MYRFL: variants seen among roughly 807,000 people sequenced by gnomAD.
MYRFL encodes myelin regulatory factor-like protein.
Under a neutral mutation model 109.4 loss-of-function variants are expected in MYRFL, and 88 were observed. The observed-to-expected ratio is 0.80, with a 90% CI of 0.68 to 0.96. The LOEUF (loss-of-function observed/expected upper bound fraction) is 0.96, where lower values mean the gene tolerates loss of function less well. Among genes scored for constraint, MYRFL ranks in the 40% least tolerant of loss-of-function variants. MYRFL has a pLI of 0.00. For missense variants in MYRFL, 957 were observed against 954.9 expected (o/e 1.00, Z -0.03); for synonymous variants, 324 against 320.9 (o/e 1.01, Z -0.10).
At chr12:69,857,654 A>G (rs1234501435) in intron 2 of MYRFL, among the ~76,000 whole-genome samples, 1 of 151,450 alleles carries the variant, frequency 6.6e-6, no homozygotes, top group African/African-American at 2.4e-5. Flanking sequence ...TTTTTTTTCA[A>G]TTTTTAGTTC....
intron 1 of MYRFL, among the ~76,000 whole-genome samples, chr12:69,837,891 G>A (rs1883042088): frequency 1.3e-5 from 2 of 152,206 alleles, no homozygotes; most frequent in Admixed American, 6.5e-5. Context: ...ACACCTGGAA[G>A]GAGGGAACTA....
intron 2 of MYRFL, among the ~76,000 whole-genome samples, chr12:69,864,925 C>T (rs1047334578): frequency 1.1e-4 from 16 of 152,166 alleles, no homozygotes; most frequent in African/African-American, 3.4e-4. Flanking sequence ...TCTCCTAAAG[C>T]GAATGTTCCG....
At chr12:69,844,567 T>A (rs1425594188) in intron 1 of MYRFL, among the ~76,000 whole-genome samples, 1 of 152,152 alleles carries the variant, frequency 6.6e-6, no homozygotes, top group African/African-American at 2.4e-5. Flanking sequence ...TTGGCTGGCA[T>A]TGCTGGGGAG....
At chr12:69,854,346 GGAGGGA>G (rs138931391) in intron 1 of MYRFL, among the ~76,000 whole-genome samples, 53,192 of 141,524 alleles carry the variant, frequency 0.38, 10,022 homozygotes, top group Admixed American at 0.44. Flanking sequence ...AGGGGGAGGG[GGAGGGA>G]GAGGGAGAGG....
chr12:69,942,837 G>T (rs557934107), intron 19 of MYRFL, among the ~76,000 whole-genome samples: 3 of 151,954 alleles, frequency 2.0e-5, no homozygotes, highest in East Asian at 1.9e-4. Flanking sequence ...CTTCAGCAAA[G>T]TCTCAGGCTA....
intron 19 of MYRFL, among the ~76,000 whole-genome samples, chr12:69,948,513 A>T (rs968299313): frequency 6.6e-6 from 1 of 152,200 alleles, no homozygotes; most frequent in Non-Finnish European, 1.5e-5. Flanking sequence ...AGGTAGGAGA[A>T]GAAAACACAC....
intron 2 of MYRFL, among the ~76,000 whole-genome samples, chr12:69,860,904 C>A (rs1443156397): frequency 8.2e-6 from 1 of 121,776 alleles, no homozygotes; most frequent in Non-Finnish European, 1.7e-5. Flanking sequence ...CCCCTCCCCC[C>A]ACCCCACAAC....
Position 69,910,861 on chromosome 12 carries a change from A to C in MYRFL, c.1533A>C (p.Ala511=). 1 of 1,535,362 alleles carries C rather than the reference A, an allele frequency of 6.5e-7. No homozygotes were observed. Among genetic ancestry groups the C allele is most frequent in the East Asian group, 2.4e-5 (1 of 40,890 alleles). The change falls in exon 13 of 25, where the codon GCA becomes GCC. Residue 511 remains alanine (A), a synonymous_variant. Transcript: ENST00000552032. ...AGGTGCAAGAAATCCTGCCCAGAGC[A>C]GTAAGAGAGGTTGGTGATGTCACCT... ...AQEVQEILPR[A]VREVGDVTCG... is the part of the protein sequence containing the mutation.
chr12:69,902,554 C>G (rs756639936), intron 10 of MYRFL, among the ~76,000 whole-genome samples: 3 of 152,020 alleles, frequency 2.0e-5, no homozygotes, highest in Non-Finnish European at 4.4e-5. Context: ...TCATATACCA[C>G]CAGAAAGGTA....
At chr12:69,854,578 G>T (rs966402207) in intron 1 of MYRFL, among the ~76,000 whole-genome samples, 2 of 152,024 alleles carry the variant, frequency 1.3e-5, no homozygotes, top group African/African-American at 2.4e-5. Flanking sequence ...TAGAGACAGG[G>T]TTTCACTATG....
chr12:69,909,100 G>A (rs946032971), intron 11 of MYRFL, among the ~76,000 whole-genome samples: 1 of 152,210 alleles, frequency 6.6e-6, no homozygotes, highest in Non-Finnish European at 1.5e-5. Flanking sequence ...ACACTTAGTA[G>A]TGCATGATAT....
At chr12:69,900,842 G>GT (rs1215117471) in intron 10 of MYRFL, among the ~76,000 whole-genome samples, 3 of 152,136 alleles carry the variant, frequency 2.0e-5, no homozygotes, top group Non-Finnish European at 4.4e-5. Context: ...TATGAAAGGC[G>GT]TCCCCCTGGA....
intron 19 of MYRFL, among the ~76,000 whole-genome samples, chr12:69,945,105 C>T (rs955650708): frequency 1.3e-5 from 2 of 151,818 alleles, no homozygotes; most frequent in African/African-American, 4.8e-5. Flanking sequence ...AGTGTTATTA[C>T]AAGAGTCAAA....
At chr12:69,868,859 T>C (rs1592727459) in intron 2 of MYRFL, among the ~76,000 whole-genome samples, 1 of 152,062 alleles carries the variant, frequency 6.6e-6, no homozygotes, top group Non-Finnish European at 1.5e-5. Context: ...TGCACACATG[T>C]GCACACACAC....
At chr12:69,955,176 T>C (rs1392964224) in intron 21 of MYRFL, among the ~76,000 whole-genome samples, 187 bp from the exon 22 acceptor site, 2 of 152,112 alleles carry the variant, frequency 1.3e-5, no homozygotes, top group African/African-American at 4.8e-5. Flanking sequence ...CTGAAAGAGA[T>C]CACTCTGAAT....
At chr12:69,877,067 A>C (rs549316259) in intron 2 of MYRFL, among the ~76,000 whole-genome samples, 68 of 95,208 alleles carry the variant, frequency 7.1e-4, no homozygotes, top group Non-Finnish European at 1.4e-3. Flanking sequence ...TCGGTCAGCT[A>C]GGCTGGAGTG....
chr12:69,868,740 A>G (rs1885156338), intron 2 of MYRFL, among the ~76,000 whole-genome samples: 1 of 152,206 alleles, frequency 6.6e-6, no homozygotes, highest in Admixed American at 6.5e-5. Flanking sequence ...CAACTTCTAG[A>G]TGGTGGTTAC....
chr12:69,883,482 T>C (rs907613408), intron 5 of MYRFL, among the ~76,000 whole-genome samples: 1 of 152,120 alleles, frequency 6.6e-6, no homozygotes, highest in Non-Finnish European at 1.5e-5. Context: ...ATTTATACAA[T>C]GGAGTACAAT....
At chr12:69,928,188 C>T (rs765266646) in intron 15 of MYRFL, among the ~76,000 whole-genome samples, 34 of 152,174 alleles carry the variant, frequency 2.2e-4, no homozygotes, top group Non-Finnish European at 4.1e-4. Flanking sequence ...AATAGGTATT[C>T]ACTTGCTGGC....
Sources: allele counts gnomAD v4.1 joint callset (sites outside exome capture counted in the v4.1 genomes callset), GRCh38; gene constraint gnomAD v4.1.1; transcripts MANE v1.5; gene names NCBI Gene and HGNC (gene_info 2026-07-23, HGNC 2026-07-21).